RAB38: variants seen among roughly 807,000 people sequenced by gnomAD.
The protein encoded by RAB38 is RAB38, member RAS oncogene family.
In RAB38, 15 loss-of-function variants were observed where a neutral mutation model predicts 18.4. The observed-to-expected ratio is 0.82, with a 90% confidence interval of 0.55 to 1.26. The LOEUF is 1.26. Among genes scored for constraint, RAB38 ranks in the 50% most tolerant of loss-of-function variants. The pLI is 0.00. For missense variants in RAB38, 294 were observed against 267.4 expected (o/e 1.10, Z -0.69); for synonymous variants, 101 against 104.4 (o/e 0.97, Z 0.20).
At chr11:88,096,381 G>A in the RAB38 span, among the ~76,000 whole-genome samples, 1 of 151,780 alleles carries the variant, frequency 6.6e-6, no homozygotes, top group South Asian at 2.1e-4. Flanking sequence ...CTGCTCAATT[G>A]TCATCTCCAC....
downstream of RAB38, among the ~76,000 whole-genome samples, chr11:88,113,082 A>G (rs779510419): frequency 1.1e-4 from 17 of 152,020 alleles, no homozygotes; most frequent in Non-Finnish European, 2.2e-4. Context: ...TGCAGATGGC[A>G]TAGACTCATC....
intron 1 of RAB38, among the ~76,000 whole-genome samples, chr11:88,163,489 A>G (rs1216991580): frequency 1.3e-5 from 2 of 152,118 alleles, no homozygotes; most frequent in African/African-American, 4.8e-5. Flanking sequence ...CAATTTCCTT[A>G]GTTCCCCCAT....
At chr11:88,164,642 T>C (rs1280430687) in intron 1 of RAB38, among the ~76,000 whole-genome samples, 1 of 152,094 alleles carries the variant, frequency 6.6e-6, no homozygotes, top group Non-Finnish European at 1.5e-5. Flanking sequence ...CTCTTTTTTT[T>C]TCTTATGGCT....
In RAB38 at chr11:88,175,334, G is replaced by A. The variant is rs36074402; in HGVS notation, c.51C>T (p.Asp17=). ...EHLYKLLVIG[D]LGVGKTSIIK... The stretch of plus-strand genomic sequence containing the variant: ...TGATACTGGTCTTCCCCACGCCCAG[G>A]TCGCCAATCACCAGCAACTTGTACA... The change falls in exon 1 of 3, where the codon GAC becomes GAT. Residue 17 remains aspartate, a synonymous_variant. Transcript: ENST00000243662. The A allele has an allele frequency of 0.013, 20,184 of 1,614,188 alleles. 186 individuals carry two copies. The highest frequency in any genetic ancestry group is 0.021 in the Middle Eastern group (130 of 6,062).
the RAB38 span, among the ~76,000 whole-genome samples, chr11:88,025,653 A>T: frequency 7.2e-5 from 11 of 152,032 alleles, no homozygotes; most frequent in African/African-American, 2.7e-4. Context: ...TTTCATATGT[A>T]TGTTGGCTAC....
the RAB38 span, among the ~76,000 whole-genome samples, chr11:87,881,010 T>C: frequency 6.6e-6 from 1 of 151,874 alleles, no homozygotes; most frequent in Non-Finnish European, 1.5e-5. Flanking sequence ...AACAGGATCT[T>C]GCTCTGTCAC....
the RAB38 span, among the ~76,000 whole-genome samples, chr11:88,074,543 C>T: frequency 4.9e-4 from 74 of 151,960 alleles, no homozygotes; most frequent in African/African-American, 1.6e-3. Context: ...AATGCAAATA[C>T]CTATAATAGA....
the RAB38 span, among the ~76,000 whole-genome samples, chr11:87,971,098 CA>C: frequency 1.3e-5 from 2 of 152,054 alleles, no homozygotes; most frequent in Non-Finnish European, 2.9e-5. Flanking sequence ...CACGGTTCTT[CA>C]ATAATTTCTC....
intron 1 of RAB38, among the ~76,000 whole-genome samples, chr11:88,157,388 A>G (rs1469812679): frequency 6.6e-6 from 1 of 152,222 alleles, no homozygotes; most frequent in African/African-American, 2.4e-5. Context: ...CAACCACATA[A>G]TAATAGTGGG....
the RAB38 span, among the ~76,000 whole-genome samples, chr11:88,082,597 G>A: frequency 6.6e-6 from 1 of 151,792 alleles, no homozygotes; most frequent in Admixed American, 6.6e-5. Flanking sequence ...CAGTTGCTCT[G>A]ATCCAAAACA....
At chr11:88,025,423 T>C in the RAB38 span, among the ~76,000 whole-genome samples, 3 of 152,160 alleles carry the variant, frequency 2.0e-5, no homozygotes, top group African/African-American at 4.8e-5. Context: ...GGTCAAATGG[T>C]AGCTCTGCTT....
At chr11:88,042,465 G>C in the RAB38 span, among the ~76,000 whole-genome samples, 1 of 152,166 alleles carries the variant, frequency 6.6e-6, no homozygotes, top group Non-Finnish European at 1.5e-5. Context: ...GGTTTCTTCA[G>C]AGCACCTCAG....
the RAB38 span, among the ~76,000 whole-genome samples, chr11:87,947,281 G>C: frequency 5.3e-5 from 8 of 151,944 alleles, no homozygotes; most frequent in Admixed American, 5.3e-4. Context: ...GTAGATTCTG[G>C]ATATTAGCTC....
the RAB38 span, among the ~76,000 whole-genome samples, chr11:87,860,685 GA>G: frequency 6.6e-6 from 1 of 151,924 alleles, no homozygotes; most frequent in Non-Finnish European, 1.5e-5. Context: ...TAATGCTAGG[GA>G]AATAATACAA....
chr11:88,122,900 T>C (rs978816740), intron 2 of RAB38, among the ~76,000 whole-genome samples: 1 of 152,224 alleles, frequency 6.6e-6, no homozygotes. Context: ...AGAGAAAGCA[T>C]GTTGGAGTCA....
intron 2 of RAB38, among the ~76,000 whole-genome samples, chr11:88,123,013 T>G (rs929257494): frequency 6.6e-6 from 1 of 152,202 alleles, no homozygotes; most frequent in Non-Finnish European, 1.5e-5. Flanking sequence ...GTCACTATAT[T>G]TCATGAGATT....
chr11:88,026,423 C>T, the RAB38 span, among the ~76,000 whole-genome samples: 5,043 of 151,334 alleles, frequency 0.033, 223 homozygotes, highest in South Asian at 0.075. Flanking sequence ...ATTAGCTGGG[C>T]GTGGTGGAGG....
the RAB38 span, among the ~76,000 whole-genome samples, chr11:87,893,506 T>A: frequency 6.6e-6 from 1 of 150,652 alleles, no homozygotes; most frequent in African/African-American, 2.4e-5. Flanking sequence ...TTTTCCTTTT[T>A]AAAAAATTGT....
At chr11:87,815,426 C>T in the RAB38 span, 7,174 of 151,112 alleles carry the variant, frequency 0.047, 308 homozygotes, top group Admixed American at 0.14. Flanking sequence ...GGAGATCAGG[C>T]GAAAATAGTA....
Sources: gnomAD v4.1 joint callset for allele counts (sites outside exome capture counted in the v4.1 genomes callset) on GRCh38, gnomAD v4.1.1 for gene constraint, MANE v1.5 for transcripts, NCBI Gene and HGNC (gene_info 2026-07-23, HGNC 2026-07-21) for gene names.